Variants in GABRA2 observed in about 807,000 individuals in gnomAD.
The protein encoded by GABRA2 is gamma-aminobutyric acid type A receptor subunit alpha2, also known as gamma-aminobutyric acid receptor subunit alpha-2.
In GABRA2, 16 loss-of-function variants were observed where a neutral mutation model predicts 48.7. That is an observed-to-expected ratio of 0.33 (90% CI 0.22 to 0.50). The LOEUF (loss-of-function observed/expected upper bound fraction) is 0.50, where lower values mean the gene tolerates loss of function less well. GABRA2 is among the 20% of genes least tolerant of loss of function. The pLI is 0.98. For missense variants in GABRA2, 275 were observed against 535.6 expected (o/e 0.51, Z 4.80); for synonymous variants, 185 against 184.5 (o/e 1.00, Z -0.02).
chr4:46,384,795 G>A (rs573097178), intron 3 of GABRA2, among the ~76,000 whole-genome samples: 2 of 152,054 alleles, frequency 1.3e-5, no homozygotes, highest in Admixed American at 6.6e-5. Context: ...CCTTATGTTC[G>A]TGCTTGTTAG....
rs1418529481 is a variant in GABRA2 at position 46,265,448 on chromosome 4, GTATATATATAA to G, written c.857-3331_857-3321del. On this transcript the variant is annotated intron_variant, in intron 8 of 9. Coordinates refer to ENST00000381620, the MANE Select transcript of GABRA2 (RefSeq NM_000807.4). ...TGTGTATATATATATAATATATTGTGTATATATATAATATATATATAATATATTGTGTATAT... is the reference window on the plus strand; with the variant it reads ...TGTGTATATATATATAATATATTGTGTATATATATAATATATTGTGTATAT... 2.7e-4 allele frequency among the ~76,000 whole-genome samples: 32 copies of G among 119,500 alleles called. 1 individual carries two copies. Among genetic ancestry groups the G allele is most frequent in the African/African-American group, 1.2e-3 (23 of 19,410 alleles). 78.4% of individuals were successfully genotyped at this position (119,500 alleles called of 152,430 possible).
Position 46,312,655 on chromosome 4 carries a change from C to A in GABRA2, c.317G>T (p.Gly106Val). Residue 106 changes from glycine (G) to valine (V), a missense_variant, in exon 5 of 10, where the codon GGT becomes GTT. Gly to Val is a moderately radical substitution (Grantham distance 109, BLOSUM62 -3). Transcript: ENST00000381620. ...KWKDERLKFKGPMNILRLNNL... is the reference protein window; with the variant it reads ...KWKDERLKFKVPMNILRLNNL... ...GTTTAGTCGAAGGATATTCATAGGA[C>A]CTTTAAATTTTAAACGTTCATCTTT... 6.6e-7 allele frequency: 1 copy of A among 1,523,880 alleles called. No individual in the cohort carries two copies. The highest frequency in any genetic ancestry group is 1.3e-5 in the South Asian group (1 of 77,554). The allele number at this position is 1,523,880 out of a possible 1,614,324, so 94.4% of individuals were successfully genotyped here. A position where few individuals can be genotyped will look rare whatever the true frequency, so the allele number is the denominator to read the frequency against.
chr4:46,361,228 C>A (rs1713127190), intron 3 of GABRA2, among the ~76,000 whole-genome samples: 1 of 152,138 alleles, frequency 6.6e-6, no homozygotes, highest in African/African-American at 2.4e-5. Flanking sequence ...GAGCCCCTTT[C>A]ATCACAGACC....
chr4:46,302,418 C>T (rs767517730), intron 8 of GABRA2: 6 of 152,072 alleles, frequency 3.9e-5, no homozygotes, highest in Non-Finnish European at 8.8e-5. Flanking sequence ...CCAAAATAAA[C>T]ATATAAAGTC....
chr4:46,314,929 A>G (rs190771242), intron 4 of GABRA2, among the ~76,000 whole-genome samples: 1 of 152,234 alleles, frequency 6.6e-6, no homozygotes, highest in East Asian at 1.9e-4. Context: ...TGCTATCGTG[A>G]ATAGTGCTGC....
intron 3 of GABRA2, chr4:46,364,660 T>G (rs1044023279): frequency 6.6e-6 from 1 of 152,232 alleles, no homozygotes; most frequent in Non-Finnish European, 1.5e-5. Context: ...CTAGAGGCTG[T>G]TGTGTTCCTT....
chr4:46,246,713 T>G lies in GABRA2; in HGVS notation c.*3595A>C, dbSNP rs1239654514. Among the ~76,000 whole-genome samples the G allele has an allele frequency of 6.6e-6, 1 of 151,302 alleles. No individual in the cohort carries two copies. The highest frequency in any genetic ancestry group is 1.5e-5 in the Non-Finnish European group (1 of 67,484). ...CTAATAACAATAATAATCTGTTTAG[T>G]AAATCTATTAACATAACCTCATATT... is the stretch of plus-strand genomic sequence containing the variant. On this transcript the variant is annotated 3_prime_UTR_variant, in exon 10 of 10. Transcript: ENST00000381620.
At chr4:46,353,869 A>G (rs1478015195) in intron 3 of GABRA2, among the ~76,000 whole-genome samples, 2 of 151,868 alleles carry the variant, frequency 1.3e-5, no homozygotes, top group African/African-American at 4.8e-5. Context: ...TACATATTTC[A>G]CCTCTTCACT....
At chr4:46,374,465 T>C (rs1715384679) in intron 3 of GABRA2, among the ~76,000 whole-genome samples, 1 of 152,112 alleles carries the variant, frequency 6.6e-6, no homozygotes, top group South Asian at 2.1e-4. Flanking sequence ...TAAAACACAA[T>C]CTAAATAACG....
At chr4:46,367,065 T>C (rs1046236263) in intron 3 of GABRA2, 2 of 152,088 alleles carry the variant, frequency 1.3e-5, no homozygotes, top group Admixed American at 1.3e-4. Flanking sequence ...ATTAGTCCAT[T>C]TCACTATATT....
intron 3 of GABRA2, among the ~76,000 whole-genome samples, chr4:46,334,164 C>G (rs1731822179): frequency 6.6e-6 from 1 of 152,196 alleles, no homozygotes; most frequent in East Asian, 1.9e-4. Flanking sequence ...TCTGTGTATA[C>G]AAAGTACCAT....
chr4:46,272,524 G>T (rs910623216), intron 8 of GABRA2, among the ~76,000 whole-genome samples: 5 of 151,868 alleles, frequency 3.3e-5, no homozygotes, highest in Non-Finnish European at 7.4e-5. Flanking sequence ...CTCTCTAAGA[G>T]ATATTAAAAA....
chr4:46,287,777 A>G (rs1560479693), intron 8 of GABRA2, among the ~76,000 whole-genome samples: 1 of 152,060 alleles, frequency 6.6e-6, no homozygotes, highest in Non-Finnish European at 1.5e-5. Context: ...TTTAAAGTAT[A>G]ATAATAATAA....
chr4:46,349,648 A>T (rs1238495127), intron 3 of GABRA2, among the ~76,000 whole-genome samples: 2 of 151,946 alleles, frequency 1.3e-5, no homozygotes, highest in African/African-American at 4.8e-5. Flanking sequence ...CTTGTTGGCA[A>T]TAGTACAAAC....
chr4:46,321,074 C>T (rs1184811664), intron 4 of GABRA2, among the ~76,000 whole-genome samples: 2 of 151,688 alleles, frequency 1.3e-5, no homozygotes, highest in Non-Finnish European at 2.9e-5. Context: ...TCATTTGCAA[C>T]AATATAGATA....
chr4:46,335,314 A>G (rs527431749), intron 3 of GABRA2, among the ~76,000 whole-genome samples: 24 of 152,260 alleles, frequency 1.6e-4, no homozygotes, highest in African/African-American at 5.8e-4. Flanking sequence ...TGGATTTGGA[A>G]CAAGGTGGAA....
At chr4:46,289,457 C>G (rs1292948611) in intron 8 of GABRA2, among the ~76,000 whole-genome samples, 1 of 152,116 alleles carries the variant, frequency 6.6e-6, no homozygotes, top group Non-Finnish European at 1.5e-5. Flanking sequence ...AATAGAAAAC[C>G]AAACACTGCA....
At chr4:46,256,853 C>T (rs539473564) in intron 9 of GABRA2, among the ~76,000 whole-genome samples, 2 of 151,652 alleles carry the variant, frequency 1.3e-5, no homozygotes, top group South Asian at 4.1e-4. Context: ...AATAAAATGA[C>T]TCATAAAACA....
intron 8 of GABRA2, among the ~76,000 whole-genome samples, chr4:46,298,645 G>A (rs1725188166): frequency 6.6e-6 from 1 of 151,912 alleles, no homozygotes. Flanking sequence ...TAATAACTGT[G>A]TGTAGAAACT....
Sources: allele counts gnomAD v4.1 joint callset (sites outside exome capture counted in the v4.1 genomes callset), GRCh38; gene constraint gnomAD v4.1.1; transcripts MANE v1.5; gene names NCBI Gene and HGNC (gene_info 2026-07-23, HGNC 2026-07-21).